The following ITGA6 variants were observed in gnomAD, a reference collection of about 807,000 sequenced individuals.
ITGA6 encodes the protein integrin subunit alpha 6, also known as integrin alpha-6.
Under a neutral mutation model 133.6 loss-of-function variants are expected in ITGA6, and 63 were observed. The ratio of observed to expected loss-of-function variants is 0.47; its 90% CI spans 0.38 to 0.58. The LOEUF (loss-of-function observed/expected upper bound fraction) is 0.58. Among genes scored for constraint, ITGA6 ranks in the 20% least tolerant of loss-of-function variants. ITGA6 has a pLI of 0.00. For synonymous variants in ITGA6, 434 were observed against 482.0 expected (o/e 0.90, Z 1.30); for missense variants, 1,068 against 1,309.4 (o/e 0.82, Z 2.85).
At chr2:172,445,338 CT>C (rs34005395) in intron 1 of ITGA6, among the ~76,000 whole-genome samples, 11,631 of 103,182 alleles carry the variant, frequency 0.11, 1,204 homozygotes, top group East Asian at 0.55. Flanking sequence ...TTTTTCTTTT[CT>C]TTTTTTTTTT....
Position 172,504,851 on chromosome 2 carries a change from C to T in ITGA6, c.*783C>T, listed in dbSNP as rs1396433715. The T allele has an allele frequency of 6.5e-6, 1 of 152,680 alleles. No individual in the cohort carries two copies. The highest frequency in any genetic ancestry group is 2.4e-5 in the African/African-American group (1 of 41,462). 9.5% of individuals were successfully genotyped at this position (152,680 alleles called of 1,614,324 possible). On this transcript the variant is annotated 3_prime_UTR_variant, in exon 26 of 26. Transcript: ENST00000684293. ...TTTCATTCTCCCTTTCACTAAAACA[C>T]ACAGGTGCAACAGACTTGAATGCTA... is the stretch of plus-strand genomic sequence containing the variant.
intron 15 of ITGA6, 33 bp from the exon 16 acceptor site, chr2:172,487,514 T>A: frequency 6.2e-7 from 1 of 1,611,708 alleles, no homozygotes; most frequent in African/African-American, 1.3e-5. Flanking sequence ...GGCAAATGAG[T>A]GGATTGTGAC....
intron 20 of ITGA6, among the ~76,000 whole-genome samples, chr2:172,490,522 T>A (rs1048720181): frequency 1.3e-5 from 2 of 152,250 alleles, no homozygotes; most frequent in African/African-American, 2.4e-5. Flanking sequence ...TTACTAATCT[T>A]TGCTATAAGG....
intron 23 of ITGA6, among the ~76,000 whole-genome samples, chr2:172,493,683 C>T (rs1419456636): frequency 4.6e-5 from 7 of 152,146 alleles, no homozygotes; most frequent in African/African-American, 1.7e-4. Context: ...ACTTGGTCCC[C>T]TTAAAGTCCC....
At position 172,491,254 on chromosome 2, in the gene ITGA6, A is replaced by C; in HGVS notation, c.2812A>C (p.Arg938=). ...CSVNVNCVNI[R]CPLRGLDSKA... ...CGTGAACGTGAACTGTGTGAACATC[A>C]GATGCCCGCTGCGGGGGCTGGACAG... is the stretch of plus-strand genomic sequence containing the variant. The change falls in exon 22 of 26, where the codon AGA becomes CGA. Residue 938 remains arginine (R), a synonymous_variant. Coordinates refer to ENST00000684293, the MANE Select transcript of ITGA6 (RefSeq NM_000210.4). The surrounding 1 kb of genome is among the most constrained non-coding windows in gnomAD (Gnocchi z 4.4). 1 of 1,612,342 alleles carries C rather than the reference A, an allele frequency of 6.2e-7. No homozygotes were observed. Among genetic ancestry groups the C allele is most frequent in the South Asian group, 1.1e-5 (1 of 91,048 alleles).
chr2:172,447,583 A>G (rs2149011328), intron 1 of ITGA6, among the ~76,000 whole-genome samples: 1 of 152,332 alleles, frequency 6.6e-6, no homozygotes, highest in Admixed American at 6.5e-5. Context: ...ATTCTTGATC[A>G]TTTTAAATGC....
At chr2:172,430,115 T>G (rs1424147211) in intron 1 of ITGA6, among the ~76,000 whole-genome samples, 1 of 152,234 alleles carries the variant, frequency 6.6e-6, no homozygotes, top group East Asian at 1.9e-4. Flanking sequence ...TTAGCAGCTG[T>G]TAATTTACTT....
At chr2:172,488,523 A>G (rs1337728186) in intron 19 of ITGA6, among the ~76,000 whole-genome samples, 1 of 152,214 alleles carries the variant, frequency 6.6e-6, no homozygotes, top group African/African-American at 2.4e-5. Context: ...TTGAAAGAAT[A>G]TTAATGTATG....
chr2:172,495,342 G>T (rs1010312020), intron 23 of ITGA6: 1 of 152,110 alleles, frequency 6.6e-6, no homozygotes, highest in Non-Finnish European at 1.5e-5. Context: ...ATTATTTTTG[G>T]AGTTGTAAAG....
In ITGA6 at chr2:172,445,111, G is replaced by A. The variant is rs568739331; in HGVS notation, c.182+17141G>A. Reference sequence around the variant, plus strand: ...CTCCCAAGTAGCTGGGACTACAGGCGCCCACCACCATGCCTGGCTAATTTT... The same window carrying A: ...CTCCCAAGTAGCTGGGACTACAGGCACCCACCACCATGCCTGGCTAATTTT... On this transcript the variant is annotated intron_variant, in intron 1 of 25. Transcript: ENST00000684293. Among the ~76,000 whole-genome samples, 4 of 151,322 alleles carry A rather than the reference G, an allele frequency of 2.6e-5. No individual in the cohort carries two copies. In the South Asian group the frequency reaches 6.3e-4, roughly 24 times the overall value.
chr2:172,505,171 T>TG lies in ITGA6; in HGVS notation c.*1104dup, dbSNP rs1367743286. On this transcript the variant is annotated 3_prime_UTR_variant, in exon 26 of 26. Coordinates refer to ENST00000684293, the MANE Select transcript of ITGA6 (RefSeq NM_000210.4). ...AGAAATAGAATTATAACTGTAAAGATGTTTATTTCAGGCATTGGATATTTT... is the reference window on the plus strand; with the variant it reads ...AGAAATAGAATTATAACTGTAAAGATGGTTTATTTCAGGCATTGGATATTTT... 1.3e-5 allele frequency: 2 copies of TG among 152,770 alleles called. No individual in the cohort carries two copies. Among genetic ancestry groups the TG allele is most frequent in the Admixed American group, 6.5e-5 (1 of 15,312 alleles). The allele number at this position is 152,770 out of a possible 1,614,324, so 9.5% of individuals were successfully genotyped here.
At chr2:172,428,628 G>A (rs1191503319) in intron 1 of ITGA6, 1 of 151,508 alleles carries the variant, frequency 6.6e-6, no homozygotes, top group Non-Finnish European at 1.5e-5. Context: ...GAGAAAACAA[G>A]TCTGAGTGAT....
At chr2:172,467,713 G>C (rs766614319) in intron 3 of ITGA6, among the ~76,000 whole-genome samples, 153 bp downstream of exon 3, 5 of 152,204 alleles carry the variant, frequency 3.3e-5, no homozygotes, top group Non-Finnish European at 7.3e-5. Flanking sequence ...CAGACTGGGC[G>C]TGGTGGCTCA....
intron 5 of ITGA6, 65 bp downstream of exon 5, chr2:172,471,170 G>T (rs772408062): frequency 8.2e-6 from 13 of 1,591,898 alleles, no homozygotes; most frequent in Admixed American, 1.7e-5. Flanking sequence ...AAACTCCCTC[G>T]CAGGGCCTAT....
At chr2:172,489,321 A>G (rs1686822932) in intron 19 of ITGA6, among the ~76,000 whole-genome samples, 164 bp from the exon 20 acceptor site, 1 of 152,208 alleles carries the variant, frequency 6.6e-6, no homozygotes, top group African/African-American at 2.4e-5. Context: ...TTTAGGCACA[A>G]GTCTTTATTT....
Position 172,469,365 on chromosome 2 carries a change from A to G in ITGA6, c.628A>G (p.Thr210Ala). Residue 210 changes from threonine to alanine, a missense_variant, in exon 4 of 26, where the codon ACT becomes GCT. By Grantham distance (58) the Thr-to-Ala change is moderately conservative (BLOSUM62 0). This residue lies in a region of ITGA6 where 317 missense variants were observed against 456.9 expected (regional missense o/e 0.69). Coordinates refer to ENST00000684293, the MANE Select transcript of ITGA6 (RefSeq NM_000210.4). ...TTACATTGTATTTGGAGCCCCGGGT[A>G]CTTATAACTGGAAAGGTATGACCTT... ...FHYIVFGAPG[T>A]YNWKGIVRVE... The G allele has an allele frequency of 6.2e-7, 1 of 1,613,908 alleles. No homozygotes were observed. Among genetic ancestry groups the G allele is most frequent in the Non-Finnish European group, 8.5e-7 (1 of 1,179,756 alleles).
intron 25 of ITGA6, among the ~76,000 whole-genome samples, chr2:172,502,857 C>G (rs888753575): frequency 6.6e-6 from 1 of 152,206 alleles, no homozygotes. Flanking sequence ...CACAGTGAAT[C>G]ACAACATTGC....
At chr2:172,450,907 A>G (rs565384355) in intron 1 of ITGA6, among the ~76,000 whole-genome samples, 2 of 145,782 alleles carry the variant, frequency 1.4e-5, no homozygotes, top group South Asian at 4.2e-4. Flanking sequence ...ATATATTTAT[A>G]TTATATATAA....
At position 172,506,171 on chromosome 2, in the gene ITGA6, GAAAT is replaced by G. The variant is rs527334948; in HGVS notation, c.*2108_*2111del. On this transcript the variant is annotated 3_prime_UTR_variant, in exon 26 of 26. Transcript: ENST00000684293. Reference sequence around the variant, plus strand: ...CCTGTGGATATTTGTATAAAAGTGTGAAATAAATTTTTTATAAAAGTGTTCATTG... The same window carrying G: ...CCTGTGGATATTTGTATAAAAGTGTGAAATTTTTTATAAAAGTGTTCATTG... 20 of 152,574 alleles carry G rather than the reference GAAAT, an allele frequency of 1.3e-4. No individual in the cohort carries two copies. Among genetic ancestry groups the G allele is most frequent in the Non-Finnish European group, 2.2e-4 (15 of 68,022 alleles). 9.5% of individuals were successfully genotyped at this position (152,574 alleles called of 1,614,324 possible).
Sources: gnomAD v4.1 joint callset for allele counts (sites outside exome capture counted in the v4.1 genomes callset) on GRCh38, gnomAD v4.1.1 for gene constraint, gnomAD v4.1.1 regional missense constraint, Gnocchi (gnomAD v3.1) non-coding constraint, MANE v1.5 for transcripts, NCBI Gene and HGNC (gene_info 2026-07-23, HGNC 2026-07-21) for gene names.